Variants in REEP3 observed in about 807,000 individuals in gnomAD.
REEP3 encodes the protein receptor accessory protein 3, also known as receptor expression-enhancing protein 3.
A neutral mutation model predicts 41.3 loss-of-function variants in REEP3; 20 were observed. The ratio of observed to expected loss-of-function variants is 0.48; its 90% CI spans 0.34 to 0.70. The LOEUF (loss-of-function observed/expected upper bound fraction) is 0.70. Ranked by LOEUF, REEP3 falls within the 30% of genes least tolerant of loss-of-function variation. The pLI, the probability that REEP3 is intolerant of heterozygous loss-of-function variation, is 0.01. For synonymous variants in REEP3, 104 were observed against 101.8 expected, an observed-to-expected ratio of 1.02 and a Z score of -0.13; for missense variants, 271 against 308.8, an observed-to-expected ratio of 0.88 and a Z score of 0.92.
intron 5 of REEP3, among the ~76,000 whole-genome samples, chr10:63,600,536 C>T (rs968254245): frequency 6.6e-6 from 1 of 152,082 alleles, no homozygotes; most frequent in African/African-American, 2.4e-5. Context: ...GCTTAAAGGA[C>T]TATGTTTTAT....
At chr10:63,596,039 T>C (rs111595000) in intron 3 of REEP3, among the ~76,000 whole-genome samples, 273 of 152,310 alleles carry the variant, frequency 1.8e-3, no homozygotes, top group African/African-American at 6.4e-3. Flanking sequence ...TTTACTATTC[T>C]CTCCTTAAGC....
chr10:63,534,737 T>C (rs1026410518), intron 1 of REEP3, among the ~76,000 whole-genome samples: 1 of 152,190 alleles, frequency 6.6e-6, no homozygotes, highest in East Asian at 1.9e-4. Context: ...CAGAAAAATA[T>C]AGGATAGTAA....
At chr10:63,593,300 C>A (rs1956082664) in intron 2 of REEP3, among the ~76,000 whole-genome samples, 1 of 152,138 alleles carries the variant, frequency 6.6e-6, no homozygotes, top group African/African-American at 2.4e-5. Flanking sequence ...GAGGTGAGAA[C>A]AAGGAAAGTG....
chr10:63,609,791 A>G (rs1185540071), intron 5 of REEP3, among the ~76,000 whole-genome samples: 1 of 152,038 alleles, frequency 6.6e-6, no homozygotes. Flanking sequence ...ATAAATAAAT[A>G]AAACAAAAAA....
chr10:63,540,399 A>G (rs1955518121), intron 1 of REEP3, among the ~76,000 whole-genome samples: 1 of 152,216 alleles, frequency 6.6e-6, no homozygotes, highest in Non-Finnish European at 1.5e-5. Context: ...GTCAGTGTGG[A>G]GCTTTATGTT....
chr10:63,526,462 AT>A (rs1242917575), intron 1 of REEP3, among the ~76,000 whole-genome samples: 2 of 152,126 alleles, frequency 1.3e-5, no homozygotes, highest in African/African-American at 4.8e-5. Flanking sequence ...AACACTGAAT[AT>A]TTTTATGATC....
intron 1 of REEP3, chr10:63,563,080 G>C (rs1955758897): frequency 2.3e-6 from 1 of 439,306 alleles, no homozygotes. Flanking sequence ...CAAGGAAAGA[G>C]GCCTCAGAAG....
At chr10:63,597,546 A>G (rs1956126513) in intron 3 of REEP3, among the ~76,000 whole-genome samples, 2 of 152,236 alleles carry the variant, frequency 1.3e-5, no homozygotes, top group African/African-American at 2.4e-5. Flanking sequence ...TCACACATTC[A>G]TGAACTGATC....
chr10:63,577,527 G>T (rs1278131637), intron 2 of REEP3, among the ~76,000 whole-genome samples: 1 of 152,058 alleles, frequency 6.6e-6, no homozygotes, highest in Non-Finnish European at 1.5e-5. Flanking sequence ...GGGTTCATGC[G>T]ATCCTCCCTC....
intron 1 of REEP3, among the ~76,000 whole-genome samples, chr10:63,559,793 CTGT>C (rs994022843): frequency 1.6e-4 from 24 of 152,014 alleles, no homozygotes; most frequent in African/African-American, 5.3e-4. Context: ...TAAATAATTG[CTGT>C]TGTTAATAAT....
At position 63,588,334 on chromosome 10, in the gene REEP3, T is replaced by G. The variant is rs192532777; in HGVS notation, c.106-6444T>G. Among the ~76,000 whole-genome samples, 5 of 152,354 alleles carry G rather than the reference T, an allele frequency of 3.3e-5. No individual in the cohort carries two copies. In the East Asian group the frequency reaches 9.6e-4, roughly 29 times the overall value. On this transcript the variant is annotated intron_variant, in intron 2 of 7. Transcript: ENST00000373758. ...TCCAGGATCTTGTTCCATTAAATAT[T>G]CCTGCTTTCTCATAATTTGAATCTC...
rs528832819 is a variant in REEP3, at chr10:63,540,668, C to T, written c.32+19091C>T. On this transcript the variant is annotated intron_variant, in intron 1 of 7. Transcript: ENST00000373758. ...TTATGTTGGACCCTGACATTTCTAC[C>T]GGTTAAGTACAATTTATTTATTCCT... Among the ~76,000 whole-genome samples, 5 of 152,224 alleles carry T rather than the reference C, an allele frequency of 3.3e-5. No homozygotes were observed. In the South Asian group the frequency reaches 8.3e-4, roughly 25 times the overall value.
At chr10:63,600,981 C>T (rs1184882415) in intron 5 of REEP3, among the ~76,000 whole-genome samples, 1 of 151,896 alleles carries the variant, frequency 6.6e-6, no homozygotes, top group Non-Finnish European at 1.5e-5. Context: ...GGTGAAACCC[C>T]GTCTCTACTA....
intron 6 of REEP3, among the ~76,000 whole-genome samples, chr10:63,617,407 G>A (rs1259900455): frequency 1.3e-5 from 2 of 152,076 alleles, no homozygotes; most frequent in Non-Finnish European, 2.9e-5. Context: ...CAATAAACAT[G>A]TATTCAATTT....
In REEP3 at chr10:63,623,753, A is replaced by ATG. The variant is rs1430902074; in HGVS notation, c.*2885_*2886insGT. The ATG allele has an allele frequency of 2.6e-4, 29 of 110,268 alleles. No homozygotes were observed. The highest frequency in any genetic ancestry group is 5.9e-4 in the African/African-American group (17 of 28,938). 6.8% of individuals were successfully genotyped at this position (110,268 alleles called of 1,614,324 possible). ...ATCCCCCTCACATACTTCACAATAT[A>ATG]TATGTGTGTGTGTGTGTGTGTGTGT... On this transcript the variant is annotated 3_prime_UTR_variant, in exon 8 of 8. Coordinates refer to ENST00000373758, the MANE Select transcript of REEP3 (RefSeq NM_001001330.3).
At chr10:63,604,370 C>T (rs1708913516) in intron 5 of REEP3, among the ~76,000 whole-genome samples, 2 of 152,162 alleles carry the variant, frequency 1.3e-5, no homozygotes, top group African/African-American at 4.8e-5. Context: ...TGGTTTCGTG[C>T]AGATGAGCAA....
chr10:63,576,687 G>A (rs553948021), intron 2 of REEP3, among the ~76,000 whole-genome samples: 8 of 152,280 alleles, frequency 5.3e-5, no homozygotes, highest in Non-Finnish European at 1.2e-4. Context: ...TGAACAACAG[G>A]AATTATTTTT....
In REEP3 at chr10:63,530,330, T is replaced by G. The variant is rs1229958610; in HGVS notation, c.32+8753T>G. ...TTTCTTTCAATTAGGTTAAGGTAGA[T>G]TTTGTCTTTATTTACCATTTTTTAT... On this transcript the variant is annotated intron_variant, in intron 1 of 7. Coordinates refer to ENST00000373758, the MANE Select transcript of REEP3 (RefSeq NM_001001330.3). 5.3e-5 allele frequency among the ~76,000 whole-genome samples: 8 copies of G among 152,358 alleles called. No homozygotes were observed. The East Asian group carries it at 1.5e-3, about 29-fold the overall frequency.
chr10:63,573,674 G>T (rs935970292), intron 2 of REEP3, among the ~76,000 whole-genome samples: 5 of 152,118 alleles, frequency 3.3e-5, no homozygotes, highest in African/African-American at 1.2e-4. Flanking sequence ...ATATGAAAAT[G>T]AACAAATATA....
Sources: gnomAD v4.1 joint callset for allele counts (sites outside exome capture counted in the v4.1 genomes callset) on GRCh38, gnomAD v4.1.1 for gene constraint, MANE v1.5 for transcripts, NCBI Gene and HGNC (gene_info 2026-07-23, HGNC 2026-07-21) for gene names.